RBM45: variants seen among roughly 807,000 people sequenced by gnomAD.
RBM45 encodes RNA binding motif protein 45, also known as RNA-binding protein 45.
A neutral mutation model predicts 58.5 loss-of-function variants in RBM45; 39 were observed. The observed-to-expected ratio is 0.67, with a 90% confidence interval of 0.52 to 0.87. The LOEUF is 0.87. RBM45 is among the 40% of genes least tolerant of loss of function. RBM45 has a pLI of 0.00. For missense variants in RBM45, 481 were observed against 581.6 expected, an observed-to-expected ratio of 0.83 and a Z score of 1.78; for synonymous variants, 193 against 203.0, an observed-to-expected ratio of 0.95 and a Z score of 0.42.
chr2:178,127,292 A>G (rs2087946286), intron 9 of RBM45, among the ~76,000 whole-genome samples: 1 of 152,228 alleles, frequency 6.6e-6, no homozygotes, highest in African/African-American at 2.4e-5. Context: ...CTGTTCCCAC[A>G]CACTAACTTT....
intron 9 of RBM45, among the ~76,000 whole-genome samples, chr2:178,126,447 T>C (rs1462700315): frequency 6.6e-6 from 1 of 152,202 alleles, no homozygotes; most frequent in African/African-American, 2.4e-5. Context: ...ATTCAACTTT[T>C]TATTATGTGC....
rs2105903875 is a variant in RBM45 at position 178,121,187 on chromosome 2, A to G, written c.681A>G (p.Gln227=). 2 of 1,519,698 alleles carry G rather than the reference A, an allele frequency of 1.3e-6. No individual in the cohort carries two copies. The highest frequency in any genetic ancestry group is 9.0e-7 in the Non-Finnish European group (1 of 1,114,812). 94.1% of individuals were successfully genotyped at this position (1,519,698 alleles called of 1,614,324 possible). The change falls in exon 5 of 10, where the codon CAA becomes CAG. Residue 227 remains glutamine (Q), a synonymous_variant. Coordinates refer to ENST00000286070, the MANE Select transcript of RBM45 (RefSeq NM_152945.4). ...TTTTTTATATTGTCGGAGAACAACA[A>G]TCTGAATTTTCAAGTTTTGACAAGA... ...PRVNMFPFEQ[Q]SEFSSFDKND... is the part of the protein sequence containing the mutation.
chr2:178,125,814 A>G (rs544240961), intron 8 of RBM45, 170 bp from the exon 9 acceptor site: 1 of 715,026 alleles, frequency 1.4e-6, no homozygotes, highest in Admixed American at 2.0e-5. Context: ...ATGAGAAGAG[A>G]GATCTGAATG....
chr2:178,125,765 T>C, intron 8 of RBM45: 1 of 682,434 alleles, frequency 1.5e-6, no homozygotes, highest in Non-Finnish European at 2.8e-6. Context: ...AGGAAACTAG[T>C]GAAAAAGGAG....
intron 9 of RBM45, among the ~76,000 whole-genome samples, chr2:178,128,374 A>G (rs1394393431): frequency 6.6e-6 from 1 of 152,168 alleles, no homozygotes; most frequent in African/African-American, 2.4e-5. Context: ...GTAAAATGAA[A>G]AAAAGGCTTT....
intron 9 of RBM45, among the ~76,000 whole-genome samples, chr2:178,128,263 G>A (rs1474308188): frequency 1.3e-5 from 2 of 151,996 alleles, no homozygotes; most frequent in African/African-American, 4.8e-5. Context: ...GCCTCCCAAA[G>A]TGCTGGGATT....
chr2:178,116,385 GTATT>G lies in RBM45; in HGVS notation c.423+6_423+9del. The G allele has an allele frequency of 6.2e-7, 1 of 1,602,048 alleles. No homozygotes were observed. The highest frequency in any genetic ancestry group is 8.5e-7 in the Non-Finnish European group (1 of 1,176,330). ...AGAAGATCTGCGGGAAAAATTTAAG[GTATT>G]TATTCTAATCAGCTAGCATATGTGA... On this transcript the variant is annotated splice_donor_variant and splice_donor_5th_base_variant and intron_variant, in intron 2 of 9. Transcript: ENST00000286070. LOFTEE classifies it high-confidence loss of function.
chr2:178,116,629 G>A (rs550507039), intron 2 of RBM45, among the ~76,000 whole-genome samples: 14 of 152,308 alleles, frequency 9.2e-5, no homozygotes, highest in Admixed American at 9.1e-4. Flanking sequence ...TATTGTGAAA[G>A]TAGAGATTCG....
At chr2:178,118,542 G>T (rs2087807921) in intron 3 of RBM45, among the ~76,000 whole-genome samples, 2 of 151,770 alleles carry the variant, frequency 1.3e-5, no homozygotes, top group Admixed American at 1.3e-4. Context: ...GTTTATATTT[G>T]ATCTACATCC....
At chr2:178,124,024 T>C in intron 7 of RBM45, 103 bp from the exon 8 acceptor site, 2 of 1,481,978 alleles carry the variant, frequency 1.3e-6, no homozygotes, top group South Asian at 2.4e-5. Flanking sequence ...AGAGCTATTG[T>C]GGAAGACCAC....
intron 7 of RBM45, 87 bp downstream of exon 7, chr2:178,123,999 T>C: frequency 4.0e-6 from 6 of 1,498,068 alleles, no homozygotes; most frequent in Non-Finnish European, 5.5e-6. Flanking sequence ...TGATTATCTG[T>C]GTATGAAAAT....
chr2:178,128,513 AGTT>A (rs1260696300), intron 9 of RBM45, among the ~76,000 whole-genome samples: 3 of 152,228 alleles, frequency 2.0e-5, no homozygotes, highest in African/African-American at 7.2e-5. Flanking sequence ...CCTTGTGGCC[AGTT>A]GGTACTGTGA....
chr2:178,121,435 CA>C, intron 5 of RBM45, 76 bp downstream of exon 5: 2 of 687,332 alleles, frequency 2.9e-6, no homozygotes, highest in Non-Finnish European at 4.1e-6. Context: ...CACACACACA[CA>C]CACACACAGA....
intron 8 of RBM45, among the ~76,000 whole-genome samples, chr2:178,125,127 G>GA (rs1234994271): frequency 1.3e-5 from 2 of 151,734 alleles, no homozygotes; most frequent in African/African-American, 4.8e-5. Context: ...GGCTCAAAAG[G>GA]AAAAAAATAT....
intron 8 of RBM45, chr2:178,125,716 G>C (rs1230642561): frequency 4.9e-6 from 3 of 609,032 alleles, no homozygotes; most frequent in South Asian, 3.0e-5. Context: ...TCAGAAGACA[G>C]AGTGAAAAAT....
At chr2:178,115,079 A>G (rs2087754499) in intron 1 of RBM45, among the ~76,000 whole-genome samples, 1 of 152,250 alleles carries the variant, frequency 6.6e-6, no homozygotes, top group African/African-American at 2.4e-5. Context: ...TGTCCAAGTA[A>G]AAGTTATTCT....
intron 1 of RBM45, among the ~76,000 whole-genome samples, chr2:178,115,139 G>GA (rs1341297957): frequency 2.0e-5 from 3 of 152,068 alleles, no homozygotes; most frequent in Non-Finnish European, 4.4e-5. Context: ...GAAAACAGAA[G>GA]AAAAAAATCT....
chr2:178,122,960 A>G (rs996299919), intron 5 of RBM45, among the ~76,000 whole-genome samples: 1 of 152,130 alleles, frequency 6.6e-6, no homozygotes, highest in South Asian at 2.1e-4. Flanking sequence ...ACCCTCCTAA[A>G]TTGAAATTCG....
chr2:178,130,703 T>TA (rs2087997018), downstream of RBM45, among the ~76,000 whole-genome samples: 1 of 152,320 alleles, frequency 6.6e-6, no homozygotes, highest in Admixed American at 6.5e-5. Context: ...ATGCATTTGT[T>TA]AAAACGTAAT....
Sources: gnomAD v4.1 joint callset for allele counts (sites outside exome capture counted in the v4.1 genomes callset) on GRCh38, gnomAD v4.1.1 for gene constraint, MANE v1.5 for transcripts, NCBI Gene and HGNC (gene_info 2026-07-23, HGNC 2026-07-21) for gene names.